Variants in AVEN observed in about 807,000 individuals in gnomAD.
The protein encoded by AVEN is cell death regulator Aven.
In AVEN, 41 loss-of-function variants were observed where a neutral mutation model predicts 38.1. The ratio of observed to expected loss-of-function variants is 1.08; its 90% CI spans 0.84 to 1.40. AVEN has a LOEUF of 1.40. Ranked by LOEUF, AVEN falls within the 40% of genes most tolerant of loss-of-function variation. The pLI is 0.00. For missense variants in AVEN, 605 were observed against 438.8 expected, an observed-to-expected ratio of 1.38 and a Z score of -3.38; for synonymous variants, 206 against 171.8, an observed-to-expected ratio of 1.20 and a Z score of -1.56.
chr15:33,929,297 A>G (rs1299205245), intron 2 of AVEN, among the ~76,000 whole-genome samples: 1 of 152,220 alleles, frequency 6.6e-6, no homozygotes, highest in Non-Finnish European at 1.5e-5. Context: ...GCTGAGGCAT[A>G]TAAATGTTAA....
At chr15:34,044,516 A>C (rs1280869439) in intron 5 of AVEN, among the ~76,000 whole-genome samples, 1 of 152,206 alleles carries the variant, frequency 6.6e-6, no homozygotes, top group East Asian at 1.9e-4. Flanking sequence ...CTGTACCTCC[A>C]GATTCTCACA....
At chr15:34,015,897 G>T (rs1825353375) in intron 1 of AVEN, among the ~76,000 whole-genome samples, 1 of 152,208 alleles carries the variant, frequency 6.6e-6, no homozygotes, top group South Asian at 2.1e-4. Flanking sequence ...ATTGGAGACA[G>T]TACATTCCTG....
intron 2 of AVEN, among the ~76,000 whole-genome samples, chr15:33,954,128 C>T (rs1467924530): frequency 1.3e-4 from 19 of 151,598 alleles, no homozygotes; most frequent in African/African-American, 3.9e-4. Context: ...GTTAGAATGG[C>T]GATCATTAAA....
At chr15:33,894,887 T>C (rs1377304254) in intron 2 of AVEN, among the ~76,000 whole-genome samples, 1 of 150,544 alleles carries the variant, frequency 6.6e-6, no homozygotes, top group African/African-American at 2.5e-5. Context: ...AAAGCTCTGT[T>C]TCCACACAAC....
At chr15:33,872,286 TC>T (rs1891001690) in intron 3 of AVEN, among the ~76,000 whole-genome samples, 1 of 152,078 alleles carries the variant, frequency 6.6e-6, no homozygotes, top group Non-Finnish European at 1.5e-5. Context: ...TGGCCAGGAA[TC>T]ATAAGACTCT....
At chr15:34,007,829 T>C (rs1239812759) in intron 1 of AVEN, among the ~76,000 whole-genome samples, 1 of 152,170 alleles carries the variant, frequency 6.6e-6, no homozygotes, top group Non-Finnish European at 1.5e-5. Context: ...GAGAATCTAT[T>C]CCATGACCTT....
intron 2 of AVEN, among the ~76,000 whole-genome samples, chr15:33,923,621 CTTTA>C (rs1215382044): frequency 6.6e-6 from 1 of 152,162 alleles, no homozygotes; most frequent in Non-Finnish European, 1.5e-5. Flanking sequence ...TCTAATAAAA[CTTTA>C]TTTATAAAAG....
chr15:33,967,186 C>G (rs950082925), intron 2 of AVEN, among the ~76,000 whole-genome samples: 2 of 151,964 alleles, frequency 1.3e-5, no homozygotes, highest in African/African-American at 4.8e-5. Context: ...TGTCAAAGAC[C>G]ACTATAAAAC....
chr15:33,952,813 C>G (rs984954767), intron 2 of AVEN, among the ~76,000 whole-genome samples: 5 of 151,094 alleles, frequency 3.3e-5, no homozygotes, highest in Non-Finnish European at 7.4e-5. Flanking sequence ...GCCCAAAACA[C>G]CAAGTTGGAC....
chr15:34,019,161 G>GT (rs1391896737), intron 1 of AVEN, among the ~76,000 whole-genome samples: 1 of 152,220 alleles, frequency 6.6e-6, no homozygotes, highest in Non-Finnish European at 1.5e-5. Flanking sequence ...ACTCAACCCA[G>GT]TAAGTCCAGC....
At chr15:34,022,712 T>G (rs973135246) in intron 1 of AVEN, among the ~76,000 whole-genome samples, 1 of 152,178 alleles carries the variant, frequency 6.6e-6, no homozygotes, top group Non-Finnish European at 1.5e-5. Flanking sequence ...TTTTAAAGAC[T>G]CCAAGGATTC....
chr15:34,048,022 C>CGT (rs71119921), intron 5 of AVEN, among the ~76,000 whole-genome samples: 71,004 of 151,388 alleles, frequency 0.47, 20,071 homozygotes, highest in Non-Finnish European at 0.64. Context: ...ACGTCCAGCT[C>CGT]GTGTGTGTGT....
intron 2 of AVEN, among the ~76,000 whole-genome samples, chr15:33,952,911 C>T (rs1168589689): frequency 2.0e-5 from 3 of 151,334 alleles, no homozygotes; most frequent in African/African-American, 7.3e-5. Context: ...CTAAGCATCC[C>T]AACATTTATA....
At chr15:33,920,564 G>A (rs116917494) in intron 2 of AVEN, among the ~76,000 whole-genome samples, 7 of 151,958 alleles carry the variant, frequency 4.6e-5, no homozygotes, top group Non-Finnish European at 1.0e-4. Context: ...ATCTTTCAAC[G>A]AAAAGAACAT....
chr15:33,861,201 A>AGTAATG, intron 11 of AVEN: 3 of 1,527,058 alleles, frequency 2.0e-6, no homozygotes, highest in Non-Finnish European at 2.7e-6. Context: ...GGTTAACAAA[A>AGTAATG]GTAATGGCAG....
chr15:34,036,754 G>A (rs1319784258), intron 1 of AVEN, among the ~76,000 whole-genome samples: 3 of 152,142 alleles, frequency 2.0e-5, no homozygotes, highest in Non-Finnish European at 4.4e-5. Context: ...TTAACAGAAT[G>A]TGTTACAATA....
At chr15:33,999,024 G>C (rs866537256) in intron 2 of AVEN, among the ~76,000 whole-genome samples, 2 of 152,324 alleles carry the variant, frequency 1.3e-5, no homozygotes, top group African/African-American at 4.8e-5. Context: ...CCTATTAGAT[G>C]TTGTGCTGGG....
intron 2 of AVEN, among the ~76,000 whole-genome samples, chr15:33,901,805 G>A (rs984904776): frequency 6.6e-6 from 1 of 152,128 alleles, no homozygotes; most frequent in African/African-American, 2.4e-5. Flanking sequence ...CCATTTTTAT[G>A]TCTTTTTTGG....
intron 2 of AVEN, among the ~76,000 whole-genome samples, chr15:33,963,685 T>C (rs1464113701): frequency 2.0e-5 from 3 of 150,450 alleles, no homozygotes; most frequent in African/African-American, 7.3e-5. Flanking sequence ...TAATCCCAGC[T>C]ACTCAGGAGG....
Sources: allele counts gnomAD v4.1 joint callset (sites outside exome capture counted in the v4.1 genomes callset), GRCh38; gene constraint gnomAD v4.1.1; transcripts MANE v1.5; gene names NCBI Gene and HGNC (gene_info 2026-07-23, HGNC 2026-07-21).